Variants in PRIM2 observed in about 807,000 individuals in gnomAD.
PRIM2 encodes DNA primase large subunit.
Under a neutral mutation model 67.3 loss-of-function variants are expected in PRIM2, and 39 were observed. The observed-to-expected ratio is 0.58, with a 90% CI of 0.45 to 0.76. The LOEUF is 0.76. Among genes scored for constraint, PRIM2 ranks in the 30% least tolerant of loss-of-function variants. The pLI, the probability that PRIM2 is intolerant of heterozygous loss-of-function variation, is 0.00. For synonymous variants in PRIM2, 143 were observed against 198.7 expected (o/e 0.72, Z 2.36); for missense variants, 398 against 598.7 (o/e 0.66, Z 3.50).
chr6:57,440,769 T>G (rs1299542803), intron 7 of PRIM2, among the ~76,000 whole-genome samples: 1 of 152,238 alleles, frequency 6.6e-6, no homozygotes, highest in Non-Finnish European at 1.5e-5. Context: ...CAAATTAAAT[T>G]GCTTCCCAGG....
At chr6:57,240,618 C>G in the PRIM2 span, among the ~76,000 whole-genome samples, 1 of 152,112 alleles carries the variant, frequency 6.6e-6, no homozygotes, top group Non-Finnish European at 1.5e-5. Context: ...CTGTGTGTGA[C>G]AGAGAAAGCC....
chr6:57,346,424 A>C (rs553022961), intron 5 of PRIM2, among the ~76,000 whole-genome samples: 66 of 151,998 alleles, frequency 4.3e-4, no homozygotes, highest in African/African-American at 1.5e-3. Flanking sequence ...GGTTCAAATG[A>C]TTCTCCTGCC....
At chr6:57,492,928 T>C (rs1225301133) in intron 7 of PRIM2, among the ~76,000 whole-genome samples, 1 of 152,234 alleles carries the variant, frequency 6.6e-6, no homozygotes, top group Non-Finnish European at 1.5e-5. Context: ...GTATCTATTA[T>C]AGCTTGTAAT....
intron 7 of PRIM2, among the ~76,000 whole-genome samples, chr6:57,384,990 G>A (rs1770091671): frequency 6.6e-6 from 1 of 152,020 alleles, no homozygotes; most frequent in Non-Finnish European, 1.5e-5. Context: ...CTTTAAAAAT[G>A]TAAAAAAAAT....
chr6:57,316,825 G>A (rs1394578094), upstream of PRIM2, among the ~76,000 whole-genome samples: 1 of 152,244 alleles, frequency 6.6e-6, no homozygotes, highest in Non-Finnish European at 1.5e-5. Context: ...GTGATTTCCA[G>A]TGCTTCATCT....
At chr6:57,335,739 T>C (rs965391991) in intron 5 of PRIM2, among the ~76,000 whole-genome samples, 1 of 151,992 alleles carries the variant, frequency 6.6e-6, no homozygotes, top group Non-Finnish European at 1.5e-5. Context: ...CAAAAGTAGA[T>C]AAAACCACAA....
At chr6:57,550,898 T>G (rs1775388111) in intron 10 of PRIM2, among the ~76,000 whole-genome samples, 1 of 152,138 alleles carries the variant, frequency 6.6e-6, no homozygotes, top group South Asian at 2.1e-4. Context: ...CTTCTGATAC[T>G]GAAGGATTTT....
At chr6:57,398,923 CTTTTG>C in intron 7 of PRIM2, among the ~76,000 whole-genome samples, 1 of 151,502 alleles carries the variant, frequency 6.6e-6, no homozygotes, top group Non-Finnish European at 1.5e-5. Flanking sequence ...TTTTTTTTAT[CTTTTG>C]TTTTGTTTGA....
intron 8 of PRIM2, among the ~76,000 whole-genome samples, chr6:57,527,958 A>G (rs1473767093): frequency 2.0e-5 from 3 of 151,874 alleles, no homozygotes; most frequent in Non-Finnish European, 4.4e-5. Context: ...TGTCTTTTTT[A>G]TAGAGTTTTT....
chr6:57,628,671 A>C (rs1253791503), intron 12 of PRIM2, among the ~76,000 whole-genome samples: 1 of 151,896 alleles, frequency 6.6e-6, no homozygotes, highest in Non-Finnish European at 1.5e-5. Flanking sequence ...CCCAGTGTTT[A>C]TTGTTGCCTT....
the PRIM2 span, among the ~76,000 whole-genome samples, chr6:57,259,891 TGTGA>T: frequency 6.6e-6 from 1 of 152,278 alleles, no homozygotes; most frequent in African/African-American, 2.4e-5. Flanking sequence ...ACTAGTCAGA[TGTGA>T]GTATGAAGTC....
At chr6:57,309,691 T>C in the PRIM2 span, among the ~76,000 whole-genome samples, 1 of 152,296 alleles carries the variant, frequency 6.6e-6, no homozygotes, top group East Asian at 1.9e-4. Flanking sequence ...AGTAATGGGA[T>C]GGCTGGGTCA....
At chr6:57,573,222 A>T (rs1356138430) in intron 10 of PRIM2, among the ~76,000 whole-genome samples, 1 of 152,340 alleles carries the variant, frequency 6.6e-6, no homozygotes, top group South Asian at 2.1e-4. Context: ...TCAAAATAGT[A>T]TTATTCCCGT....
intron 7 of PRIM2, among the ~76,000 whole-genome samples, chr6:57,473,221 C>T (rs1773379231): frequency 6.6e-6 from 1 of 152,140 alleles, no homozygotes; most frequent in Non-Finnish European, 1.5e-5. Context: ...TTTGCTGAAG[C>T]TGTTTAACAT....
chr6:57,399,076 A>T (rs964705844), intron 7 of PRIM2, among the ~76,000 whole-genome samples: 14 of 152,182 alleles, frequency 9.2e-5, no homozygotes, highest in African/African-American at 3.4e-4. Context: ...GTTCTAGGGT[A>T]CATGTGTACA....
At chr6:57,389,019 A>G (rs1884972) in intron 7 of PRIM2, among the ~76,000 whole-genome samples, 6 of 152,352 alleles carry the variant, frequency 3.9e-5, no homozygotes, top group Admixed American at 2.0e-4. Flanking sequence ...TTGTTGTTAG[A>G]AAATGGGGCA....
At chr6:57,600,442 T>C (rs1264671794) in intron 10 of PRIM2, among the ~76,000 whole-genome samples, 50 of 151,770 alleles carry the variant, frequency 3.3e-4, no homozygotes, top group Non-Finnish European at 1.5e-4. Flanking sequence ...CACTGCAGCC[T>C]CAACCCCCCA....
intron 12 of PRIM2, among the ~76,000 whole-genome samples, chr6:57,631,567 T>TAAC (rs1303693791): frequency 2.0e-5 from 3 of 152,168 alleles, no homozygotes; most frequent in Non-Finnish European, 2.9e-5. Context: ...TTGCTAGAAA[T>TAAC]AACTTCATTT....
upstream of PRIM2, among the ~76,000 whole-genome samples, chr6:57,316,367 G>A (rs555138748): frequency 1.3e-5 from 2 of 152,216 alleles, no homozygotes; most frequent in South Asian, 4.2e-4. Context: ...AGCCAAGATC[G>A]CTCCACTGCA....
Sources: gnomAD v4.1 joint callset for allele counts (sites outside exome capture counted in the v4.1 genomes callset) on GRCh38, gnomAD v4.1.1 for gene constraint, MANE v1.5 for transcripts, NCBI Gene and HGNC (gene_info 2026-07-23, HGNC 2026-07-21) for gene names.